The following BEST3 variants were observed in gnomAD, a reference collection of about 807,000 sequenced individuals.
BEST3 encodes the protein bestrophin-3.
BEST3 carries 50 observed loss-of-function variants against 47.1 expected under a neutral mutation model. The observed-to-expected ratio is 1.06, with a 90% CI of 0.85 to 1.34. The LOEUF is 1.34. BEST3 is among the 40% of genes most tolerant of loss of function. The pLI is 0.00. For synonymous variants in BEST3, 282 were observed against 298.8 expected (o/e 0.94, Z 0.58); for missense variants, 765 against 817.0 (o/e 0.94, Z 0.78).
intron 4 of BEST3, among the ~76,000 whole-genome samples, chr12:69,685,473 C>G (rs781541838): frequency 1.3e-5 from 2 of 152,186 alleles, no homozygotes; most frequent in African/African-American, 2.4e-5. Context: ...TTACAATGGT[C>G]TGGGGAGTTT....
intron 4 of BEST3, chr12:69,684,736 C>G (rs1885462052): frequency 4.4e-6 from 2 of 458,218 alleles, no homozygotes; most frequent in Non-Finnish European, 8.1e-6. Flanking sequence ...ATGAAGCCAC[C>G]AGCTTCAGCT....
At chr12:69,657,210 C>T (rs1162039017) in intron 9 of BEST3, among the ~76,000 whole-genome samples, 1 of 152,012 alleles carries the variant, frequency 6.6e-6, no homozygotes, top group Admixed American at 6.5e-5. Flanking sequence ...ATTCTCATGC[C>T]TCAGCCTCCC....
In BEST3 at chr12:69,693,809, C is replaced by T. The variant is rs776360679; in HGVS notation, c.346G>A (p.Gly116Arg). The change falls in exon 4 of 10, where the codon GGA (glycine) becomes AGA (arginine). Residue 116 changes from glycine to arginine, a missense_variant. By Grantham distance (125) the Gly-to-Arg change is moderately radical. Transcript: ENST00000330891. ...AGCAGGCGCCCGTGCTCGTCGCTTC[C>T]GTGAACACTGCTAGAGATGAGGAAC... is the stretch of plus-strand genomic sequence containing the variant. ...LMFLISSSVH[G>R]SDEHGRLLRR... 3.7e-6 allele frequency: 6 copies of T among 1,614,120 alleles called. No homozygotes were observed. The highest frequency in any genetic ancestry group is 5.1e-6 in the Non-Finnish European group (6 of 1,180,014).
chr12:69,684,576 T>C (rs545558189), intron 4 of BEST3: 34 of 682,622 alleles, frequency 5.0e-5, no homozygotes, highest in African/African-American at 4.9e-4. Flanking sequence ...ATCTCAAAAC[T>C]TGAAGGCAGA....
At chr12:69,691,501 A>G (rs1377137838) in intron 4 of BEST3, among the ~76,000 whole-genome samples, 2 of 152,174 alleles carry the variant, frequency 1.3e-5, no homozygotes, top group Admixed American at 1.3e-4. Context: ...GCCACCAGGA[A>G]AAAGCAGTTG....
Position 69,644,392 on chromosome 12 carries a change from CT to C in BEST3, c.1101-606del, listed in dbSNP as rs771687764. ...AAATTTCTTTTAGCATAATTTGGCT[CT>C]GTTGTTTTACTTGGTCTTTTAGAAG... is the stretch of plus-strand genomic sequence containing the variant. On this transcript the variant is annotated intron_variant, in intron 9 of 9. Coordinates refer to the BEST3 transcript ENST00000331471. 1.8e-3 allele frequency among the ~76,000 whole-genome samples: 278 copies of C among 152,174 alleles called. 2 individuals are homozygous for C. The highest frequency in any genetic ancestry group is 6.8e-3 in the Middle Eastern group (2 of 294).
At chr12:69,650,879 G>T (rs149082440), downstream of BEST3, among the ~76,000 whole-genome samples, 1,112 of 151,662 alleles carry the variant, frequency 7.3e-3, 18 homozygotes, top group African/African-American at 0.025. Flanking sequence ...GGAAGCATAT[G>T]AAAGGAAAAA....
At chr12:69,657,038 A>G (rs188070817) in intron 9 of BEST3, among the ~76,000 whole-genome samples, 1 of 152,312 alleles carries the variant, frequency 6.6e-6, no homozygotes, top group East Asian at 1.9e-4. Context: ...GGCTACCAAG[A>G]ATTTCCTGCT....
chr12:69,656,489 T>C (rs1883507628), intron 9 of BEST3, among the ~76,000 whole-genome samples: 1 of 151,932 alleles, frequency 6.6e-6, no homozygotes, highest in East Asian at 1.9e-4. Context: ...TAACAATGGA[T>C]CATAGGTAAA....
intron 4 of BEST3, among the ~76,000 whole-genome samples, chr12:69,686,162 C>T (rs1885567756): frequency 6.8e-6 from 1 of 147,678 alleles, no homozygotes; most frequent in African/African-American, 2.5e-5. Context: ...ACCAAGGAAC[C>T]CCAGAGCTGT....
intron 2 of BEST3, among the ~76,000 whole-genome samples, chr12:69,695,820 A>C (rs1035664282): frequency 6.6e-6 from 1 of 152,320 alleles, no homozygotes; most frequent in Middle Eastern, 3.4e-3. Context: ...ATGTATACAT[A>C]TATATAACCA....
At chr12:69,663,926 G>A (rs527489475) in intron 9 of BEST3, among the ~76,000 whole-genome samples, 1 of 152,184 alleles carries the variant, frequency 6.6e-6, no homozygotes, top group Admixed American at 6.5e-5. Context: ...AGAGTCAACT[G>A]AAGGGATCCC....
chr12:69,698,261 A>G (rs940303121), intron 1 of BEST3, among the ~76,000 whole-genome samples: 7 of 152,214 alleles, frequency 4.6e-5, no homozygotes, highest in Middle Eastern at 3.2e-3. Context: ...TCATAGTGAT[A>G]AATAAGAATG....
chr12:69,645,237 G>A (rs529198541), intron 9 of BEST3, among the ~76,000 whole-genome samples: 6 of 152,328 alleles, frequency 3.9e-5, no homozygotes, highest in Non-Finnish European at 5.9e-5. Context: ...GCTAAGGGCA[G>A]ACTGATGAGT....
intron 4 of BEST3, among the ~76,000 whole-genome samples, chr12:69,679,793 G>A (rs1046548623): frequency 8.5e-5 from 13 of 152,198 alleles, no homozygotes; most frequent in South Asian, 6.2e-4. Context: ...CCCAGGAAGC[G>A]GAGGTTGCAG....
chr12:69,679,680 GT>G lies in BEST3; in HGVS notation c.482-788del, dbSNP rs368527478. On this transcript the variant is annotated intron_variant, in intron 4 of 9. Coordinates refer to ENST00000330891, the MANE Select transcript of BEST3 (RefSeq NM_032735.3). ...GTTCAACACGAGCCTGGCCAACATG[GT>G]GAAACCCCATCTCTACTAAAAATAC... Among the ~76,000 whole-genome samples, 540 of 152,308 alleles carry G rather than the reference GT, an allele frequency of 3.5e-3. 4 individuals carry two copies. Among genetic ancestry groups the G allele is most frequent in the African/African-American group, 0.011 (465 of 41,568 alleles).
In BEST3 at chr12:69,693,950, A is replaced by T. The variant is rs1289282452; in HGVS notation, c.248-43T>A. Reference sequence around the variant, plus strand: ...ATTATAAAGCAGTTTCTTACAGCAGACACGTTGGTGACACTGATGCTTTTA... The same window carrying T: ...ATTATAAAGCAGTTTCTTACAGCAGTCACGTTGGTGACACTGATGCTTTTA... On this transcript the variant is annotated intron_variant, in intron 3 of 9. Coordinates refer to ENST00000330891, the MANE Select transcript of BEST3 (RefSeq NM_032735.3). The T allele has an allele frequency of 4.1e-6, 6 of 1,447,660 alleles. No homozygotes were observed. The East Asian group carries it at 1.2e-4, about 29-fold the overall frequency. 89.7% of individuals were successfully genotyped at this position (1,447,660 alleles called of 1,614,324 possible).
chr12:69,655,305 T>C lies in BEST3; in HGVS notation c.1609A>G (p.Ser537Gly). 1 of 1,614,168 alleles carries C rather than the reference T, an allele frequency of 6.2e-7. No individual in the cohort carries two copies. The highest frequency in any genetic ancestry group is 8.5e-7 in the Non-Finnish European group (1 of 1,180,034). ...GGGCCCTGCTGCTGCTCAGTCTTGCTTGGCTGAACCCCTGTAAACTCAGAG... is the reference window on the plus strand; with the variant it reads ...GGGCCCTGCTGCTGCTCAGTCTTGCCTGGCTGAACCCCTGTAAACTCAGAG... Reference protein sequence around the residue: ...LSSEFTGVQPSKTEQQQGPMG... With the variant: ...LSSEFTGVQPGKTEQQQGPMG... The change falls in exon 10 of 10, where the codon AGC (serine) becomes GGC (glycine). Residue 537 changes from serine to glycine, a missense_variant. Ser to Gly is a moderately conservative substitution (Grantham distance 56, BLOSUM62 0). Transcript: ENST00000330891.
Position 69,671,519 on chromosome 12 carries a change from A to G in BEST3, c.1009T>C (p.Tyr337His). Residue 337 changes from tyrosine (Y) to histidine (H), a missense_variant, in exon 9 of 10, where the codon TAC becomes CAC. By Grantham distance (83) the Tyr-to-His change is moderately conservative (BLOSUM62 2). Coordinates refer to ENST00000330891, the MANE Select transcript of BEST3 (RefSeq NM_032735.3). ...GGGCGAGCAGCAGAATCGTCCCAGTAAATGTCCTTCTTCATCTTGGGTAAG... is the reference window on the plus strand; with the variant it reads ...GGGCGAGCAGCAGAATCGTCCCAGTGAATGTCCTTCTTCATCTTGGGTAAG... The part of the protein sequence containing the change: ...MSLPKMKKDI[Y>H]WDDSAARPPY... 1 of 1,613,986 alleles carries G rather than the reference A, an allele frequency of 6.2e-7. No individual in the cohort carries two copies.
Sources: gnomAD v4.1 joint callset for allele counts (sites outside exome capture counted in the v4.1 genomes callset) on GRCh38, gnomAD v4.1.1 for gene constraint, MANE v1.5 for transcripts, NCBI Gene and HGNC (gene_info 2026-07-23, HGNC 2026-07-21) for gene names.